Variants in SERPINI1 observed in about 807,000 individuals in gnomAD.
SERPINI1 encodes the protein neuroserpin.
In SERPINI1, 19 loss-of-function variants were observed where a neutral mutation model predicts 41.1. The ratio of observed to expected loss-of-function variants is 0.46; its 90% CI spans 0.32 to 0.68. The LOEUF (loss-of-function observed/expected upper bound fraction) is 0.68, where lower values mean the gene tolerates loss of function less well. SERPINI1 is among the 30% of genes least tolerant of loss of function. The pLI is 0.03. For synonymous variants in SERPINI1, 138 were observed against 156.6 expected (o/e 0.88, Z 0.89); for missense variants, 460 against 479.2 (o/e 0.96, Z 0.37).
chr3:167,742,250 T>C (rs1468991793), intron 1 of SERPINI1, among the ~76,000 whole-genome samples: 3 of 152,170 alleles, frequency 2.0e-5, no homozygotes, highest in Admixed American at 1.3e-4. Flanking sequence ...TTTCCTCACA[T>C]TGCATGGCCC....
intron 1 of SERPINI1, among the ~76,000 whole-genome samples, chr3:167,739,420 T>C (rs1006725878): frequency 2.6e-5 from 4 of 152,216 alleles, no homozygotes; most frequent in Admixed American, 1.3e-4. Context: ...GAGAATGTCT[T>C]TATGCTAGTT....
At chr3:167,792,124 A>G (rs1560009667) in intron 3 of SERPINI1, among the ~76,000 whole-genome samples, 1 of 152,110 alleles carries the variant, frequency 6.6e-6, no homozygotes, top group East Asian at 1.9e-4. Context: ...GACTGTTTGT[A>G]AAACAAACAA....
intron 1 of SERPINI1, among the ~76,000 whole-genome samples, chr3:167,756,910 T>C (rs1726210688): frequency 6.6e-6 from 1 of 152,204 alleles, no homozygotes; most frequent in Admixed American, 6.5e-5. Context: ...ATGTCACAAG[T>C]CTAAGCCACC....
At chr3:167,742,937 G>A (rs1725728079) in intron 1 of SERPINI1, among the ~76,000 whole-genome samples, 1 of 151,118 alleles carries the variant, frequency 6.6e-6, no homozygotes, top group Non-Finnish European at 1.5e-5. Flanking sequence ...CTGAGCAAAG[G>A]CATTCCTCAG....
chr3:167,785,479 G>C (rs1018850129), intron 1 of SERPINI1, among the ~76,000 whole-genome samples: 1 of 152,060 alleles, frequency 6.6e-6, no homozygotes, highest in African/African-American at 2.4e-5. Context: ...AGTTTAGTAG[G>C]TAAAACCCTG....
chr3:167,769,012 T>G (rs1577407561), intron 1 of SERPINI1, among the ~76,000 whole-genome samples: 2 of 127,962 alleles, frequency 1.6e-5, no homozygotes, highest in East Asian at 4.1e-4. Context: ...TTGTTTGTTT[T>G]GAGATGGAGT....
At chr3:167,753,317 C>A (rs1023278358) in intron 1 of SERPINI1, among the ~76,000 whole-genome samples, 10 of 151,930 alleles carry the variant, frequency 6.6e-5, no homozygotes, top group African/African-American at 2.4e-4. Context: ...TGCTCTATTC[C>A]CAGTGCCCAG....
rs771448009 is a variant in SERPINI1 at position 167,794,641 on chromosome 3, A to G, written c.698A>G (p.Asn233Ser). Residue 233 changes from asparagine (N) to serine (S), a missense_variant, in exon 5 of 9, where the codon AAT becomes AGT. By Grantham distance (46) the Asn-to-Ser change is conservative (BLOSUM62 1). Coordinates refer to ENST00000446050, the MANE Select transcript of SERPINI1 (RefSeq NM_001122752.2). The part of the protein sequence containing the change: ...FYYGEFSDGS[N>S]EAGGIYQVLE... Reference sequence around the variant, plus strand: ...TTAGGGGAATTTAGTGATGGCTCCAATGAAGCTGGTGGTATCTACCAAGTC... The same window carrying G: ...TTAGGGGAATTTAGTGATGGCTCCAGTGAAGCTGGTGGTATCTACCAAGTC... The G allele has an allele frequency of 4.3e-6, 7 of 1,613,376 alleles. No homozygotes were observed. The highest frequency in any genetic ancestry group is 1.1e-5 in the South Asian group (1 of 91,064).
At chr3:167,748,366 G>A (rs1725929541) in intron 1 of SERPINI1, among the ~76,000 whole-genome samples, 1 of 152,142 alleles carries the variant, frequency 6.6e-6, no homozygotes. Flanking sequence ...AGAATTCGAG[G>A]CAAAACCTTT....
At chr3:167,799,177 T>C (rs1007467696) in intron 5 of SERPINI1, among the ~76,000 whole-genome samples, 10 of 152,120 alleles carry the variant, frequency 6.6e-5, no homozygotes, top group Admixed American at 5.2e-4. Context: ...TTTCTCCTAA[T>C]GCTGTCCCTC....
chr3:167,776,443 C>G (rs573182562), intron 1 of SERPINI1, among the ~76,000 whole-genome samples: 2 of 152,286 alleles, frequency 1.3e-5, no homozygotes, highest in East Asian at 3.9e-4. Flanking sequence ...GGCTTTTAAC[C>G]AAAAGCCTTT....
At chr3:167,793,834 A>ATGTG (rs1368712957) in intron 4 of SERPINI1, among the ~76,000 whole-genome samples, 13 of 106,576 alleles carry the variant, frequency 1.2e-4, no homozygotes, top group South Asian at 3.0e-4. Context: ...TTTTGGCCAT[A>ATGTG]TGTATGTGTG....
At chr3:167,802,414 T>C (rs1186222658) in intron 5 of SERPINI1, among the ~76,000 whole-genome samples, 1 of 149,502 alleles carries the variant, frequency 6.7e-6, no homozygotes, top group East Asian at 2.0e-4. Context: ...TACAATGAAC[T>C]CAAACAAATT....
intron 5 of SERPINI1, among the ~76,000 whole-genome samples, chr3:167,805,494 G>T (rs1231869647): frequency 6.6e-6 from 1 of 152,172 alleles, no homozygotes; most frequent in Admixed American, 6.5e-5. Flanking sequence ...TAGGCTGCTT[G>T]TTCACTCTGA....
At chr3:167,816,812 T>C (rs1227983566) in intron 6 of SERPINI1, among the ~76,000 whole-genome samples, 2 of 152,160 alleles carry the variant, frequency 1.3e-5, no homozygotes, top group East Asian at 3.9e-4. Context: ...CTAAACTAGA[T>C]TAGGTGTCTT....
intron 6 of SERPINI1, among the ~76,000 whole-genome samples, chr3:167,816,023 T>C (rs1387153172): frequency 6.6e-6 from 1 of 152,190 alleles, no homozygotes; most frequent in African/African-American, 2.4e-5. Flanking sequence ...TCTTATGTTT[T>C]ATTTATTACA....
chr3:167,785,537 C>A (rs564509159), intron 1 of SERPINI1, among the ~76,000 whole-genome samples: 240 of 152,246 alleles, frequency 1.6e-3, no homozygotes, highest in African/African-American at 5.4e-3. Flanking sequence ...TCCTGTGTGA[C>A]TTTGGGCAAA....
chr3:167,815,956 T>C (rs1234646422), intron 6 of SERPINI1, among the ~76,000 whole-genome samples: 7 of 152,236 alleles, frequency 4.6e-5, no homozygotes, highest in Non-Finnish European at 8.8e-5. Flanking sequence ...GCCTTTGCAC[T>C]TTTTCCCTCT....
rs530943592 is a variant in SERPINI1, at chr3:167,740,487, A to G, written c.-19+4664A>G. On this transcript the variant is annotated intron_variant, in intron 1 of 8. Transcript: ENST00000446050. Reference sequence around the variant, plus strand: ...TCCTTTTACATAGTTCATACTTGGTAAGTAGTAACAATTTGGATAACTATT... The same window carrying G: ...TCCTTTTACATAGTTCATACTTGGTGAGTAGTAACAATTTGGATAACTATT... Among the ~76,000 whole-genome samples the G allele has an allele frequency of 3.3e-5, 5 of 152,372 alleles. No individual in the cohort carries two copies. In the South Asian group the frequency reaches 1.0e-3, roughly 32 times the overall value.
Sources: gnomAD v4.1 joint callset for allele counts (sites outside exome capture counted in the v4.1 genomes callset) on GRCh38, gnomAD v4.1.1 for gene constraint, MANE v1.5 for transcripts, NCBI Gene and HGNC (gene_info 2026-07-23, HGNC 2026-07-21) for gene names.